SEMA4D: variants seen among roughly 807,000 people sequenced by gnomAD.
The protein encoded by SEMA4D is semaphorin-4D.
A neutral mutation model predicts 74.8 loss-of-function variants in SEMA4D; 22 were observed. That is an observed-to-expected ratio of 0.29 (90% confidence interval 0.21 to 0.42). SEMA4D has a LOEUF of 0.42. Ranked by LOEUF, SEMA4D falls within the 10% of genes least tolerant of loss-of-function variation. The pLI is 1.00. For missense variants in SEMA4D, 937 were observed against 1,118.4 expected (o/e 0.84, Z 2.31); for synonymous variants, 445 against 463.7 (o/e 0.96, Z 0.52).
chr9:89,442,142 C>T (rs1238520161), intron 2 of SEMA4D, among the ~76,000 whole-genome samples: 2 of 152,084 alleles, frequency 1.3e-5, no homozygotes, highest in Non-Finnish European at 2.9e-5. Context: ...TCCCTTTTCC[C>T]CTGGCCCAGG....
chr9:89,491,097 C>G (rs1340856085), intron 1 of SEMA4D, among the ~76,000 whole-genome samples: 1 of 152,176 alleles, frequency 6.6e-6, no homozygotes, highest in East Asian at 1.9e-4. Context: ...TAATTCATGT[C>G]AATAAAACTG....
intron 13 of SEMA4D, among the ~76,000 whole-genome samples, chr9:89,383,090 G>C (rs557951270): frequency 5.3e-5 from 8 of 152,346 alleles, no homozygotes; most frequent in Middle Eastern, 6.8e-3. Context: ...GACAGGGAAG[G>C]AGGAACTGGT....
chr9:89,419,861 G>A (rs1193213007), intron 2 of SEMA4D, among the ~76,000 whole-genome samples: 2 of 152,106 alleles, frequency 1.3e-5, no homozygotes, highest in African/African-American at 4.8e-5. Flanking sequence ...AGGTTGGAGT[G>A]AGCCAAGATC....
chr9:89,377,968 TA>T lies in SEMA4D; in HGVS notation c.*735del, dbSNP rs201511213. 2,116 of 137,910 alleles carry T rather than the reference TA, an allele frequency of 0.015. 34 individuals carry two copies. Among genetic ancestry groups the T allele is most frequent in the African/African-American group, 0.044 (1,655 of 37,584 alleles). 8.5% of individuals were successfully genotyped at this position (137,910 alleles called of 1,614,324 possible). A position where few individuals can be genotyped will look rare whatever the true frequency, so the allele number is the denominator to read the frequency against. ...CAATGCTTCCCTCAAGGAATAAAGT[TA>T]AAAAAAAAAAAAGAAAAAGAAAAAA... On this transcript the variant is annotated 3_prime_UTR_variant, in exon 16 of 16. Transcript: ENST00000422704.
At chr9:89,380,451 C>T (rs1378496420) in intron 15 of SEMA4D, among the ~76,000 whole-genome samples, 1 of 152,192 alleles carries the variant, frequency 6.6e-6, no homozygotes, top group Non-Finnish European at 1.5e-5. Flanking sequence ...CCTGCCTCAG[C>T]CTCCCTAGTA....
intron 16 of SEMA4D, among the ~76,000 whole-genome samples, chr9:89,372,043 T>G: frequency 2.6e-5 from 1 of 39,074 alleles, no homozygotes; most frequent in Non-Finnish European, 4.7e-5. Context: ...TGTTGGGGTG[T>G]GTGTGTCGGG....
At chr9:89,486,646 C>T (rs1389229838) in intron 1 of SEMA4D, among the ~76,000 whole-genome samples, 1 of 152,180 alleles carries the variant, frequency 6.6e-6, no homozygotes, top group Non-Finnish European at 1.5e-5. Flanking sequence ...TGGCTCACAC[C>T]TGTAAGCTCA....
chr9:89,438,006 G>A (rs1850832712), intron 2 of SEMA4D, among the ~76,000 whole-genome samples: 1 of 152,192 alleles, frequency 6.6e-6, no homozygotes, highest in Non-Finnish European at 1.5e-5. Flanking sequence ...AACCTACAGG[G>A]GTAGGGATAG....
chr9:89,460,590 CAT>C (rs1856974002), intron 1 of SEMA4D, among the ~76,000 whole-genome samples: 1 of 152,256 alleles, frequency 6.6e-6, no homozygotes, highest in African/African-American at 2.4e-5. Flanking sequence ...CCGGTACTCA[CAT>C]GTTTAACCGA....
chr9:89,461,715 TTTTTG>T (rs1336321965), intron 1 of SEMA4D, among the ~76,000 whole-genome samples: 73 of 140,094 alleles, frequency 5.2e-4, no homozygotes, highest in Middle Eastern at 3.5e-3. Context: ...TTTTTTTTTT[TTTTTG>T]GAGACAGAGT....
intron 1 of SEMA4D, among the ~76,000 whole-genome samples, chr9:89,486,497 A>G (rs188815815): frequency 9.2e-4 from 140 of 152,348 alleles, no homozygotes; most frequent in Non-Finnish European, 1.5e-3. Flanking sequence ...CTGTATATAA[A>G]ATTATAGCTC....
At chr9:89,369,770 G>A (rs566872707) in intron 16 of SEMA4D, among the ~76,000 whole-genome samples, 6 of 152,340 alleles carry the variant, frequency 3.9e-5, no homozygotes, top group South Asian at 4.1e-4. Flanking sequence ...AGCTCCAGAC[G>A]GCTTTCCTCC....
chr9:89,388,460 G>A (rs779891543), intron 11 of SEMA4D, among the ~76,000 whole-genome samples, 176 bp downstream of exon 11: 11 of 152,368 alleles, frequency 7.2e-5, no homozygotes, highest in Middle Eastern at 3.4e-3. Flanking sequence ...TGGCTGTTAC[G>A]TAACATGCAA....
chr9:89,468,549 G>A (rs1464838479), intron 1 of SEMA4D, among the ~76,000 whole-genome samples: 1 of 152,094 alleles, frequency 6.6e-6, no homozygotes, highest in Non-Finnish European at 1.5e-5. Context: ...CACTCCTTTT[G>A]GCCTTATTTT....
intron 1 of SEMA4D, among the ~76,000 whole-genome samples, chr9:89,473,350 C>T (rs193126992): frequency 1.1e-3 from 158 of 149,968 alleles, no homozygotes; most frequent in African/African-American, 2.9e-3. Flanking sequence ...CGAGGCAGGA[C>T]GACTCCTTGA....
At chr9:89,491,577 C>A (rs1317810613) in intron 1 of SEMA4D, among the ~76,000 whole-genome samples, 1 of 142,078 alleles carries the variant, frequency 7.0e-6, no homozygotes, top group Non-Finnish European at 1.5e-5. Context: ...TCAAAAACAA[C>A]AACAACAACA....
rs571016449 is a variant in SEMA4D, at chr9:89,415,713, T to C, written c.-243-10014A>G. Among the ~76,000 whole-genome samples, 12 of 152,308 alleles carry C rather than the reference T, an allele frequency of 7.9e-5. 1 individual carries two copies. The highest frequency in any genetic ancestry group is 3.4e-3 in the Middle Eastern group (1 of 294). On this transcript the variant is annotated intron_variant, in intron 2 of 15. Transcript: ENST00000422704. ...CCAGCCTCCGGAATGGATAAATAAATGTCTGTTTTTATGTCACCCAGTCTA... is the reference window on the plus strand; with the variant it reads ...CCAGCCTCCGGAATGGATAAATAAACGTCTGTTTTTATGTCACCCAGTCTA...
intron 1 of SEMA4D, among the ~76,000 whole-genome samples, chr9:89,486,222 G>A (rs1022302326): frequency 2.6e-5 from 4 of 152,158 alleles, no homozygotes; most frequent in African/African-American, 9.7e-5. Context: ...CTGAGTGAAA[G>A]AAGCCAGACT....
Position 89,362,950 on chromosome 9 carries a change from TTC to T in SEMA4D, c.2190+478_2190+479del, listed in dbSNP as rs1256458949. The stretch of plus-strand genomic sequence containing the variant: ...GAGCCTCTGCCCCACTGCCTGCAGC[TTC>T]CATGCTGTAGCCCAGTTCCTGCCAG... On this transcript the variant is annotated intron_variant, in intron 18 of 18. Coordinates refer to the SEMA4D transcript ENST00000339861. Among the ~76,000 whole-genome samples, 8 of 152,260 alleles carry T rather than the reference TTC, an allele frequency of 5.3e-5. 1 individual carries two copies. In the Middle Eastern group the frequency reaches 0.014, roughly 259 times the overall value.
Sources: gnomAD v4.1 joint callset for allele counts (sites outside exome capture counted in the v4.1 genomes callset) on GRCh38, gnomAD v4.1.1 for gene constraint, MANE v1.5 for transcripts, NCBI Gene and HGNC (gene_info 2026-07-23, HGNC 2026-07-21) for gene names.